Variants in VWA5B1 observed in about 807,000 individuals in gnomAD.
The protein encoded by VWA5B1 is von Willebrand factor A domain containing 5B1, also known as von Willebrand factor A domain-containing protein 5B1.
VWA5B1 carries 115 observed loss-of-function variants against 118.2 expected under a neutral mutation model. The observed-to-expected ratio is 0.97, with a 90% CI of 0.84 to 1.14. The LOEUF (loss-of-function observed/expected upper bound fraction) is 1.14, where lower values mean the gene tolerates loss of function less well. VWA5B1 is among the 50% of genes most tolerant of loss of function. The pLI, the probability that VWA5B1 is intolerant of heterozygous loss-of-function variation, is 0.00. For synonymous variants in VWA5B1, 682 were observed against 658.4 expected (o/e 1.04, Z -0.55); for missense variants, 1,596 against 1,603.8 (o/e 1.00, Z 0.08).
intron 16 of VWA5B1, among the ~76,000 whole-genome samples, chr1:20,344,746 ATAT>A (rs2089972249): frequency 6.6e-6 from 1 of 152,146 alleles, no homozygotes; most frequent in African/African-American, 2.4e-5. Flanking sequence ...TTCTGTAATA[ATAT>A]TATTTTGTTT....
At chr1:20,297,190 C>T (rs2088420776) in intron 1 of VWA5B1, among the ~76,000 whole-genome samples, 1 of 152,220 alleles carries the variant, frequency 6.6e-6, no homozygotes, top group Non-Finnish European at 1.5e-5. Context: ...GGGACCATCA[C>T]CTTTGCTCAA....
At chr1:20,346,516 G>T (rs1012580642) in intron 17 of VWA5B1, among the ~76,000 whole-genome samples, 1 of 152,162 alleles carries the variant, frequency 6.6e-6, no homozygotes, top group African/African-American at 2.4e-5. Flanking sequence ...TCTCCTCAGG[G>T]TTAATTAATT....
rs202183797 is a variant in VWA5B1 at position 20,337,273 on chromosome 1, G to A, written c.1943-373G>A. Among the ~76,000 whole-genome samples the A allele has an allele frequency of 1.4e-4, 21 of 152,106 alleles. No individual in the cohort carries two copies. The East Asian group carries it at 3.7e-3, about 27-fold the overall frequency. ...CTCCCGAATAGCTGGGACTACAGGCGCATACCACCATGCCTGGCTAATTTT... is the reference window on the plus strand; with the variant it reads ...CTCCCGAATAGCTGGGACTACAGGCACATACCACCATGCCTGGCTAATTTT... On this transcript the variant is annotated intron_variant, in intron 13 of 21. Transcript: ENST00000289815.
chr1:20,343,369 G>C lies in VWA5B1; in HGVS notation c.2602G>C (p.Glu868Gln). ...AIIRDFEQLAEREGEIEQGSN... is the reference protein window; with the variant it reads ...AIIRDFEQLAQREGEIEQGSN... Reference sequence around the variant, plus strand: ...CATCCGCGACTTCGAGCAGCTGGCGGAGCGCGAGGGCGAGATCGAGCAGGG... The same window carrying C: ...CATCCGCGACTTCGAGCAGCTGGCGCAGCGCGAGGGCGAGATCGAGCAGGG... The change falls in exon 16 of 22, where the codon GAG becomes CAG. Residue 868 changes from glutamate (E) to glutamine (Q), a missense_variant. By Grantham distance (29) the Glu-to-Gln change is conservative. Coordinates refer to ENST00000289815, the MANE Select transcript of VWA5B1 (RefSeq NM_001039500.3). 6.5e-7 allele frequency: 1 copy of C among 1,536,008 alleles called. No homozygotes were observed.
chr1:20,352,683 G>A (rs886310591), intron 21 of VWA5B1, among the ~76,000 whole-genome samples: 3 of 152,186 alleles, frequency 2.0e-5, no homozygotes, highest in African/African-American at 7.2e-5. Context: ...GACTGGCCCT[G>A]CCACATCTGG....
chr1:20,352,461 C>A (rs1325650974), intron 21 of VWA5B1, among the ~76,000 whole-genome samples: 1 of 152,140 alleles, frequency 6.6e-6, no homozygotes, highest in Non-Finnish European at 1.5e-5. Flanking sequence ...CTTAAAAATT[C>A]GTGGGAATTT....
At chr1:20,352,033 C>T in intron 20 of VWA5B1, 22 bp from the exon 21 acceptor site, 1 of 1,543,776 alleles carries the variant, frequency 6.5e-7, no homozygotes, top group Non-Finnish European at 8.8e-7. Flanking sequence ...ATGCCCAGGG[C>T]CACCTGACTT....
At chr1:20,317,961 G>A (rs1194696417) in intron 5 of VWA5B1, among the ~76,000 whole-genome samples, 2 of 151,334 alleles carry the variant, frequency 1.3e-5, no homozygotes, top group Non-Finnish European at 2.9e-5. Flanking sequence ...GGCCACAGCT[G>A]TAAAGCTGCT....
At chr1:20,314,155 G>C (rs1369956867) in intron 3 of VWA5B1, among the ~76,000 whole-genome samples, 167 bp from the exon 4 acceptor site, 2 of 152,102 alleles carry the variant, frequency 1.3e-5, no homozygotes, top group Non-Finnish European at 2.9e-5. Flanking sequence ...AGACGCATGG[G>C]GGTTCAGATC....
At chr1:20,351,033 A>G (rs2090118694) in intron 20 of VWA5B1, 107 bp downstream of exon 20, 1 of 1,129,676 alleles carries the variant, frequency 8.9e-7, no homozygotes, top group Admixed American at 2.1e-5. Context: ...TCAGCCTGAC[A>G]TTTAGGCAGG....
intron 1 of VWA5B1, among the ~76,000 whole-genome samples, chr1:20,297,820 T>C (rs1021383046): frequency 3.9e-5 from 6 of 152,104 alleles, no homozygotes; most frequent in Admixed American, 6.5e-5. Flanking sequence ...ACCTCTTGTG[T>C]TATTTCCCCT....
rs375838225 is a variant in VWA5B1, at chr1:20,322,717, C to G, written c.967-639C>G. Among the ~76,000 whole-genome samples the G allele has an allele frequency of 1.7e-4, 26 of 152,334 alleles. No individual in the cohort carries two copies. The East Asian group carries it at 4.2e-3, about 25-fold the overall frequency. On this transcript the variant is annotated intron_variant, in intron 7 of 21. Transcript: ENST00000289815. ...TGGCTGCTGTTTAGAGGCCATTGCT[C>G]TCTGCCAGGCAGCCAGCTTCACAGG...
chr1:20,337,625 C>T (rs1261296002), intron 13 of VWA5B1, 21 bp from the exon 14 acceptor site: 25 of 1,537,122 alleles, frequency 1.6e-5, no homozygotes, highest in Non-Finnish European at 2.0e-5. Flanking sequence ...CTGATGGTTC[C>T]CCATCACTAT....
intron 1 of VWA5B1, among the ~76,000 whole-genome samples, chr1:20,292,245 G>A (rs2088323887): frequency 1.3e-5 from 2 of 150,506 alleles, no homozygotes; most frequent in Admixed American, 1.3e-4. Context: ...TCTCTGCTGA[G>A]GCGCAGCCCC....
chr1:20,342,290 G>A, intron 14 of VWA5B1, 142 bp from the exon 15 acceptor site: 1 of 799,824 alleles, frequency 1.3e-6, no homozygotes, highest in East Asian at 2.8e-5. Context: ...GAGCTGCTGT[G>A]CCCCAGGAAA....
In VWA5B1 at chr1:20,343,174, G is replaced by A; in HGVS notation, c.2407G>A (p.Ala803Thr). ...SQERASPSRP[A>T]TPAPVLGKAL... The stretch of plus-strand genomic sequence containing the variant: ...GGAGCGAGCCAGTCCCAGCAGGCCC[G>A]CCACCCCGGCCCCGGTGCTGGGCAA... Residue 803 changes from alanine (A) to threonine (T), a missense_variant, in exon 16 of 22, where the codon GCC becomes ACC. Physicochemically the swap from Ala to Thr is moderately conservative, Grantham distance 58. Coordinates refer to ENST00000289815, the MANE Select transcript of VWA5B1 (RefSeq NM_001039500.3). The A allele has an allele frequency of 2.8e-5, 43 of 1,549,464 alleles. No individual in the cohort carries two copies. The highest frequency in any genetic ancestry group is 4.9e-5 in the East Asian group (2 of 40,886).
At chr1:20,350,789 A>T (rs2090113373) in intron 19 of VWA5B1, 68 bp from the exon 20 acceptor site, 2 of 1,451,320 alleles carry the variant, frequency 1.4e-6, no homozygotes, top group South Asian at 2.4e-5. Context: ...CTGTTCCCCC[A>T]GTTGGTCAGT....
rs111960997 is a variant in VWA5B1, at chr1:20,324,129, T to C, written c.1143+597T>C. ...GTAGAATTTGGTAGAAAAGACTTGG[T>C]TTCTCTTTTTTTCAAATGCCTAATA... On this transcript the variant is annotated intron_variant, in intron 8 of 21. Coordinates refer to ENST00000289815, the MANE Select transcript of VWA5B1 (RefSeq NM_001039500.3). Among the ~76,000 whole-genome samples, 46 of 152,214 alleles carry C rather than the reference T, an allele frequency of 3.0e-4. 1 individual carries two copies. Among genetic ancestry groups the C allele is most frequent in the African/African-American group, 1.1e-3 (45 of 41,524 alleles).
intron 7 of VWA5B1, among the ~76,000 whole-genome samples, chr1:20,321,092 A>T (rs1285218703): frequency 7.3e-6 from 1 of 137,468 alleles, no homozygotes; most frequent in African/African-American, 2.8e-5. Flanking sequence ...TGAGACACAG[A>T]GATGCCAAGA....
Sources: gnomAD v4.1 joint callset for allele counts (sites outside exome capture counted in the v4.1 genomes callset) on GRCh38, gnomAD v4.1.1 for gene constraint, MANE v1.5 for transcripts, NCBI Gene and HGNC (gene_info 2026-07-23, HGNC 2026-07-21) for gene names.